Variants in UBE2E2 observed in about 807,000 individuals in gnomAD.
The protein encoded by UBE2E2 is ubiquitin-conjugating enzyme E2 E2.
In UBE2E2, 6 loss-of-function variants were observed where a neutral mutation model predicts 24.7. The ratio of observed to expected loss-of-function variants is 0.24; its 90% CI spans 0.13 to 0.48. The LOEUF (loss-of-function observed/expected upper bound fraction) is 0.48. Among genes scored for constraint, UBE2E2 ranks in the 20% least tolerant of loss-of-function variants. The pLI is 0.99. For synonymous variants in UBE2E2, 104 were observed against 83.6 expected (o/e 1.24, Z -1.33); for missense variants, 169 against 245.0 (o/e 0.69, Z 2.07).
chr3:23,326,496 T>TA (rs1249754912), intron 3 of UBE2E2, among the ~76,000 whole-genome samples: 1 of 152,226 alleles, frequency 6.6e-6, no homozygotes, highest in Non-Finnish European at 1.5e-5. Flanking sequence ...CTGAGATTTT[T>TA]ATGTTCTTAA....
At chr3:23,222,862 G>A (rs796832467) in intron 3 of UBE2E2, among the ~76,000 whole-genome samples, 5 of 152,108 alleles carry the variant, frequency 3.3e-5, no homozygotes, top group African/African-American at 9.6e-5. Context: ...CCCTTTCTCC[G>A]CATCCTTGCC....
At chr3:23,441,805 T>A (rs1026111512) in intron 3 of UBE2E2, among the ~76,000 whole-genome samples, 1 of 151,544 alleles carries the variant, frequency 6.6e-6, no homozygotes, top group African/African-American at 2.4e-5. Context: ...GCTAACTATT[T>A]TAAATATATC....
chr3:23,483,335 G>A (rs993990532), intron 3 of UBE2E2, among the ~76,000 whole-genome samples: 6 of 152,200 alleles, frequency 3.9e-5, no homozygotes, highest in Non-Finnish European at 7.3e-5. Flanking sequence ...ATATGTGAAT[G>A]ATAATACTTA....
intron 3 of UBE2E2, among the ~76,000 whole-genome samples, chr3:23,481,983 A>G (rs977080579): frequency 6.6e-6 from 1 of 152,242 alleles, no homozygotes; most frequent in African/African-American, 2.4e-5. Flanking sequence ...TGAACTCTGT[A>G]TAGTATTAAA....
chr3:23,274,234 G>C (rs1295537685), intron 3 of UBE2E2, among the ~76,000 whole-genome samples: 1 of 152,124 alleles, frequency 6.6e-6, no homozygotes, highest in Admixed American at 6.5e-5. Flanking sequence ...TTTAAGTTAT[G>C]AAACTCATAT....
chr3:23,209,453 G>C (rs926082612), intron 2 of UBE2E2, among the ~76,000 whole-genome samples: 4 of 152,146 alleles, frequency 2.6e-5, no homozygotes, highest in Admixed American at 6.5e-5. Context: ...AAAATGATTG[G>C]CATGTCACTG....
At chr3:23,571,641 C>CT (rs1002839680) in intron 5 of UBE2E2, among the ~76,000 whole-genome samples, 67 of 152,120 alleles carry the variant, frequency 4.4e-4, no homozygotes, top group Middle Eastern at 3.4e-3. Flanking sequence ...GTACAGACCG[C>CT]TTTTTTTGCC....
chr3:23,545,539 T>A (rs1196148080), intron 5 of UBE2E2, among the ~76,000 whole-genome samples: 1 of 152,186 alleles, frequency 6.6e-6, no homozygotes, highest in Non-Finnish European at 1.5e-5. Flanking sequence ...GGCAGAAGAA[T>A]TTTTTAGTAC....
intron 3 of UBE2E2, among the ~76,000 whole-genome samples, chr3:23,293,972 T>A (rs984686600): frequency 2.0e-5 from 3 of 152,176 alleles, no homozygotes; most frequent in African/African-American, 7.2e-5. Context: ...TATAATACAT[T>A]CAACTTTAGA....
chr3:23,270,414 G>T (rs1698205890), intron 3 of UBE2E2, among the ~76,000 whole-genome samples: 1 of 152,072 alleles, frequency 6.6e-6, no homozygotes, highest in South Asian at 2.1e-4. Flanking sequence ...GAGCCCCACG[G>T]GCCTGGGTTA....
chr3:23,269,390 C>T (rs1973400), intron 3 of UBE2E2, among the ~76,000 whole-genome samples: 59,370 of 151,938 alleles, frequency 0.39, 12,107 homozygotes, highest in Admixed American at 0.53. Context: ...TGGCGTGTAG[C>T]GTTAAAAGCT....
chr3:23,289,904 A>G (rs548868364), intron 3 of UBE2E2, among the ~76,000 whole-genome samples: 14 of 152,346 alleles, frequency 9.2e-5, no homozygotes, highest in African/African-American at 3.1e-4. Flanking sequence ...TTACTGTGAT[A>G]TAATTAAAAA....
At chr3:23,344,097 G>C (rs772393750) in intron 3 of UBE2E2, among the ~76,000 whole-genome samples, 10 of 152,084 alleles carry the variant, frequency 6.6e-5, no homozygotes, top group Admixed American at 3.3e-4. Flanking sequence ...CTGCAAATTA[G>C]CTACTTTGAT....
upstream of UBE2E2, chr3:23,203,098 A>C: frequency 1.0e-6 from 1 of 964,514 alleles, no homozygotes; most frequent in African/African-American, 1.8e-5. Flanking sequence ...GCGCGCAGGC[A>C]CGCGCACTCG....
In UBE2E2 at chr3:23,513,294, C is replaced by T. The variant is rs970834166; in HGVS notation, c.360+13554C>T. ...CAAACAGCACAAAAGGTATGCAGTC[C>T]TCCTCATTGCCCAGCATTCCCGTTA... On this transcript the variant is annotated intron_variant, in intron 4 of 5. Coordinates refer to ENST00000396703, the MANE Select transcript of UBE2E2 (RefSeq NM_152653.4). Among the ~76,000 whole-genome samples, 3 of 152,174 alleles carry T rather than the reference C, an allele frequency of 2.0e-5. No homozygotes were observed. In the East Asian group the frequency reaches 5.8e-4, roughly 29 times the overall value.
intron 3 of UBE2E2, among the ~76,000 whole-genome samples, chr3:23,352,292 A>G (rs1450766409): frequency 6.6e-6 from 1 of 152,170 alleles, no homozygotes; most frequent in Non-Finnish European, 1.5e-5. Context: ...GAAAGATCCA[A>G]AATTGACACC....
In UBE2E2 at chr3:23,415,199, G is replaced by T. The variant is rs143746464; in HGVS notation, c.228-84409G>T. Among the ~76,000 whole-genome samples the T allele has an allele frequency of 3.5e-3, 537 of 152,230 alleles. 2 individuals carry two copies. The highest frequency in any genetic ancestry group is 5.2e-3 in the Non-Finnish European group (356 of 68,012). ...GATGAACTTTTCCTTGGTAATGCAG[G>T]TAAAGATATTAGATGCAGGTAAAAA... On this transcript the variant is annotated intron_variant, in intron 3 of 5. Coordinates refer to ENST00000396703, the MANE Select transcript of UBE2E2 (RefSeq NM_152653.4).
intron 4 of UBE2E2, among the ~76,000 whole-genome samples, chr3:23,518,911 TA>T (rs1694802297): frequency 6.6e-6 from 1 of 152,230 alleles, no homozygotes; most frequent in Non-Finnish European, 1.5e-5. Context: ...AATTTAGGAA[TA>T]AGTTAGTGTC....
At chr3:23,205,609 T>C (rs1379506123) in intron 1 of UBE2E2, among the ~76,000 whole-genome samples, 1 of 152,170 alleles carries the variant, frequency 6.6e-6, no homozygotes, top group African/African-American at 2.4e-5. Flanking sequence ...TGTGAAAACT[T>C]TATTTCTAAA....
Sources: allele counts gnomAD v4.1 joint callset (sites outside exome capture counted in the v4.1 genomes callset), GRCh38; gene constraint gnomAD v4.1.1; transcripts MANE v1.5; gene names NCBI Gene and HGNC (gene_info 2026-07-23, HGNC 2026-07-21).